Variants in LMX1A observed in about 807,000 individuals in gnomAD.
LMX1A encodes LIM homeobox transcription factor 1 alpha.
A neutral mutation model predicts 49.1 loss-of-function variants in LMX1A; 15 were observed. The observed-to-expected ratio is 0.31, with a 90% CI of 0.20 to 0.47. LMX1A has a LOEUF of 0.47. Ranked by LOEUF, LMX1A falls within the 20% of genes least tolerant of loss-of-function variation. The probability of loss-of-function intolerance (pLI) is 1.00; values close to 1 mark genes in which losing one functional copy is unlikely to be tolerated. For missense variants in LMX1A, 372 were observed against 475.8 expected (o/e 0.78, Z 2.03); for synonymous variants, 167 against 185.7 (o/e 0.90, Z 0.82).
chr1:165,203,786 C>A lies in LMX1A; in HGVS notation c.*94G>T. 1 of 1,257,060 alleles carries A rather than the reference C, an allele frequency of 8.0e-7. No homozygotes were observed. The highest frequency in any genetic ancestry group is 1.9e-5 in the Admixed American group (1 of 51,434). 77.9% of individuals were successfully genotyped at this position (1,257,060 alleles called of 1,614,324 possible). A position where few individuals can be genotyped will look rare whatever the true frequency, so the allele number is the denominator to read the frequency against. On this transcript the variant is annotated 3_prime_UTR_variant, in exon 9 of 9. Transcript: ENST00000342310. ...CAACAAAACTCCCTCCCCAACCCAC[C>A]TCTTCCCTGGCCTCCCTGTCCTAAA... is the stretch of plus-strand genomic sequence containing the variant.
chr1:165,318,725 T>C (rs1655291488), intron 3 of LMX1A, among the ~76,000 whole-genome samples: 2 of 152,148 alleles, frequency 1.3e-5, no homozygotes, highest in South Asian at 4.1e-4. Flanking sequence ...ACACTCTTCT[T>C]GCCTGGAATG....
intron 4 of LMX1A, among the ~76,000 whole-genome samples, chr1:165,237,618 C>G (rs1390929584): frequency 1.3e-5 from 2 of 152,144 alleles, no homozygotes; most frequent in Non-Finnish European, 2.9e-5. Context: ...CCTCCAGGTT[C>G]CAGCGTGCAA....
chr1:165,279,640 C>G (rs1380429355), intron 3 of LMX1A, among the ~76,000 whole-genome samples: 1 of 152,170 alleles, frequency 6.6e-6, no homozygotes, highest in African/African-American at 2.4e-5. Flanking sequence ...CAACATTATT[C>G]ATTTGAGTAT....
intron 3 of LMX1A, among the ~76,000 whole-genome samples, chr1:165,271,007 T>C (rs1241901779): frequency 1.3e-5 from 2 of 152,168 alleles, no homozygotes; most frequent in African/African-American, 2.4e-5. Flanking sequence ...AATCACCATT[T>C]TCTAGCCTGC....
intron 3 of LMX1A, among the ~76,000 whole-genome samples, chr1:165,263,123 T>C (rs185049072): frequency 7.2e-5 from 11 of 152,360 alleles, no homozygotes; most frequent in Admixed American, 2.0e-4. Flanking sequence ...CTTCTTTATC[T>C]ATGCTCGCTC....
At chr1:165,221,966 TTCTC>T (rs1452559622) in intron 4 of LMX1A, among the ~76,000 whole-genome samples, 15 of 143,946 alleles carry the variant, frequency 1.0e-4, no homozygotes, top group Non-Finnish European at 2.0e-4. Context: ...CACACACGCT[TTCTC>T]TCTCTCTCCA....
chr1:165,244,044 G>A (rs2134938), intron 4 of LMX1A, among the ~76,000 whole-genome samples: 152,042 of 152,286 alleles, frequency 1, 75,899 homozygotes, highest in Middle Eastern at 1. Context: ...GCTGAAGGTT[G>A]AGCTGACCAC....
At chr1:165,258,165 G>A (rs1653311520) in intron 3 of LMX1A, among the ~76,000 whole-genome samples, 1 of 152,248 alleles carries the variant, frequency 6.6e-6, no homozygotes, top group Non-Finnish European at 1.5e-5. Flanking sequence ...CTTGGTAACT[G>A]AGGTCATCCA....
intron 3 of LMX1A, among the ~76,000 whole-genome samples, chr1:165,351,553 T>TTA (rs1388129576): frequency 1.3e-5 from 2 of 152,208 alleles, no homozygotes; most frequent in Non-Finnish European, 2.9e-5. Flanking sequence ...TTTCACTTCT[T>TTA]TATATATTTC....
chr1:165,320,292 C>T (rs1254268090), intron 3 of LMX1A, among the ~76,000 whole-genome samples: 1 of 152,180 alleles, frequency 6.6e-6, no homozygotes, highest in Non-Finnish European at 1.5e-5. Context: ...GGCTAACACC[C>T]ACACCATAGA....
chr1:165,213,829 G>C lies in LMX1A; in HGVS notation c.497-16C>G, dbSNP rs776806442. 1 of 1,613,056 alleles carries C rather than the reference G, an allele frequency of 6.2e-7. No homozygotes were observed. The highest frequency in any genetic ancestry group is 1.3e-5 in the African/African-American group (1 of 74,920). On this transcript the variant is annotated splice_polypyrimidine_tract_variant and intron_variant, in intron 4 of 8. Transcript: ENST00000342310. ...TCACTTTTACCTGAAAGAAGCAAAA[G>C]ACAATGTTGTGAGTCCCTGAAAGCC...
chr1:165,335,414 C>A (rs1455385155), intron 3 of LMX1A, among the ~76,000 whole-genome samples: 3 of 152,060 alleles, frequency 2.0e-5, no homozygotes, highest in African/African-American at 7.2e-5. Flanking sequence ...AATTAGGGAG[C>A]ATTTCGTGGT....
intron 3 of LMX1A, among the ~76,000 whole-genome samples, chr1:165,264,753 TTGAGACCAGCC>T (rs1653560956): frequency 1.3e-5 from 2 of 151,636 alleles, no homozygotes; most frequent in African/African-American, 4.8e-5. Context: ...GCCCAAGAGT[TTGAGACCAGCC>T]TGGGCAACTT....
intron 3 of LMX1A, among the ~76,000 whole-genome samples, chr1:165,272,755 AG>A: frequency 6.6e-6 from 1 of 152,092 alleles, no homozygotes; most frequent in African/African-American, 2.4e-5. Flanking sequence ...GTGGTTTGCT[AG>A]GGGTCTGCAT....
At chr1:165,329,622 C>T (rs1231347004) in intron 3 of LMX1A, among the ~76,000 whole-genome samples, 1 of 150,570 alleles carries the variant, frequency 6.6e-6, no homozygotes, top group Non-Finnish European at 1.5e-5. Flanking sequence ...CCCCCCCACC[C>T]CCGCCACTGC....
intron 4 of LMX1A, among the ~76,000 whole-genome samples, chr1:165,220,519 G>A (rs1273578164): frequency 6.6e-6 from 1 of 152,120 alleles, no homozygotes; most frequent in Non-Finnish European, 1.5e-5. Context: ...CCTAACCGAG[G>A]AATAAACATA....
intron 3 of LMX1A, among the ~76,000 whole-genome samples, chr1:165,285,129 C>T (rs1654268718): frequency 1.3e-5 from 2 of 152,176 alleles, no homozygotes; most frequent in Non-Finnish European, 2.9e-5. Context: ...CTGCAAAAGG[C>T]ATAAGGATCT....
At chr1:165,287,749 G>A (rs558121817) in intron 3 of LMX1A, among the ~76,000 whole-genome samples, 5 of 152,108 alleles carry the variant, frequency 3.3e-5, no homozygotes, top group African/African-American at 1.2e-4. Context: ...TTCCAAGATG[G>A]CTCTTGGCTT....
chr1:165,240,686 A>G (rs1472647576), intron 4 of LMX1A, among the ~76,000 whole-genome samples: 1 of 152,222 alleles, frequency 6.6e-6, no homozygotes, highest in Non-Finnish European at 1.5e-5. Flanking sequence ...ACTTAGGAAT[A>G]GAGTAACTCT....
Sources: allele counts gnomAD v4.1 joint callset (sites outside exome capture counted in the v4.1 genomes callset), GRCh38; gene constraint gnomAD v4.1.1; transcripts MANE v1.5; gene names NCBI Gene and HGNC (gene_info 2026-07-23, HGNC 2026-07-21).